EHBP1L1: variants seen among roughly 807,000 people sequenced by gnomAD.
EHBP1L1 encodes EH domain-binding protein 1-like protein 1.
EHBP1L1 carries 122 observed loss-of-function variants against 151.1 expected under a neutral mutation model. That is an observed-to-expected ratio of 0.81 (90% confidence interval 0.70 to 0.94). The LOEUF is 0.94. Ranked by LOEUF, EHBP1L1 falls within the 40% of genes least tolerant of loss-of-function variation. The probability of loss-of-function intolerance (pLI) is 0.00; values close to 1 mark genes in which losing one functional copy is unlikely to be tolerated. For synonymous variants in EHBP1L1, 878 were observed against 810.1 expected (o/e 1.08, Z -1.42); for missense variants, 1,941 against 1,959.8 (o/e 0.99, Z 0.18).
rs1169823759 is a variant in EHBP1L1, at chr11:65,585,817, C to G, written c.3933+226C>G. Among the ~76,000 whole-genome samples, 1 of 152,184 alleles carries G rather than the reference C, an allele frequency of 6.6e-6. No homozygotes were observed. The highest frequency in any genetic ancestry group is 2.4e-5 in the African/African-American group (1 of 41,452). On this transcript the variant is annotated intron_variant, in intron 12 of 18. Coordinates refer to ENST00000309295, the MANE Select transcript of EHBP1L1 (RefSeq NM_001099409.3). The surrounding 1 kb of genome is among the most constrained non-coding windows in gnomAD (Gnocchi z 4.0). ...TGGTAGTGAGCTCCTCATTAGGGGA[C>G]GCATTTGAGCCAAGGCCCACCAGGC...
At position 65,581,038 on chromosome 11, in the gene EHBP1L1, C is replaced by A. The variant is rs1314210573; in HGVS notation, c.635-20C>A. 17 of 1,589,866 alleles carry A rather than the reference C, an allele frequency of 1.1e-5. No individual in the cohort carries two copies. Among genetic ancestry groups the A allele is most frequent in the East Asian group, 2.3e-5 (1 of 43,664 alleles). On this transcript the variant is annotated intron_variant, in intron 6 of 18. Transcript: ENST00000309295. ...GCCCTGGGCTGACTCTGCCCTTCTC[C>A]CCTCTCCTACCATTCCCAGATCCCT...
At chr11:65,579,288 C>T in intron 2 of EHBP1L1, 53 bp from the exon 3 acceptor site, 1 of 1,483,792 alleles carries the variant, frequency 6.7e-7, no homozygotes, top group Non-Finnish European at 9.1e-7. Context: ...ATAGGGGGTG[C>T]AGGTGGGAGG....
In EHBP1L1 at chr11:65,585,680, C is replaced by G. The variant is rs1857934390; in HGVS notation, c.3933+89C>G. On this transcript the variant is annotated intron_variant, in intron 12 of 18. Transcript: ENST00000309295. This position sits in a 1 kb window ranked among gnomAD's most constrained non-coding sequence, Gnocchi z 4.0. Reference sequence around the variant, plus strand: ...GAACGGGCGAGCCCCCAAGGGGCCCCAAGGACAGAGCTGGCGCGAGGGTGA... The same window carrying G: ...GAACGGGCGAGCCCCCAAGGGGCCCGAAGGACAGAGCTGGCGCGAGGGTGA... 1 of 1,504,348 alleles carries G rather than the reference C, an allele frequency of 6.6e-7. No individual in the cohort carries two copies. The highest frequency in any genetic ancestry group is 1.4e-5 in the African/African-American group (1 of 71,284). 93.2% of individuals were successfully genotyped at this position (1,504,348 alleles called of 1,614,324 possible).
In EHBP1L1 at chr11:65,582,277, G is replaced by A; in HGVS notation, c.1605G>A (p.Arg535=). 1 of 1,529,760 alleles carries A rather than the reference G, an allele frequency of 6.5e-7. No individual in the cohort carries two copies. Among genetic ancestry groups the A allele is most frequent in the South Asian group, 1.3e-5 (1 of 76,392 alleles). The allele number at this position is 1,529,760 out of a possible 1,614,324, so 94.8% of individuals were successfully genotyped here. The change falls in exon 9 of 19, where the codon AGG becomes AGA. Residue 535 remains arginine (R), a synonymous_variant. Coordinates refer to ENST00000309295, the MANE Select transcript of EHBP1L1 (RefSeq NM_001099409.3). Reference sequence around the variant, plus strand: ...CTTCTGTTGGAGCAATAAGCACCAGGCCCCAGGTGAGCAGCTGGCAGGGGG... The same window carrying A: ...CTTCTGTTGGAGCAATAAGCACCAGACCCCAGGTGAGCAGCTGGCAGGGGG... ...QGPSVGAIST[R]PQVSSWQGAL...
chr11:65,582,314 A>G lies in EHBP1L1; in HGVS notation c.1642A>G (p.Thr548Ala), dbSNP rs769027726. ...CAGCTGGCAGGGGGCCCTGTTATCA[A>G]CTGCCCAGGGGGCAATATCCAGGGG... ...VSSWQGALLS[T>A]AQGAISRGLG... Residue 548 changes from threonine to alanine, a missense_variant, in exon 9 of 19, where the codon ACT becomes GCT. Physicochemically the swap from Thr to Ala is moderately conservative, Grantham distance 58 (BLOSUM62 0). Transcript: ENST00000309295. The G allele has an allele frequency of 5.9e-6, 9 of 1,537,608 alleles. No individual in the cohort carries two copies. Among genetic ancestry groups the G allele is most frequent in the African/African-American group, 2.8e-5 (2 of 72,016 alleles).
chr11:65,583,717 C>T lies in EHBP1L1; in HGVS notation c.3045C>T (p.Ala1015=). 1 of 1,549,138 alleles carries T rather than the reference C, an allele frequency of 6.5e-7. No individual in the cohort carries two copies. Among genetic ancestry groups the T allele is most frequent in the Non-Finnish European group, 8.7e-7 (1 of 1,148,942 alleles). ...GGGCAGGGGCTGGGGCGCCCAGGGCCTCTTCCCCAGAGAAGGCTGAAGAGG... is the reference window on the plus strand; with the variant it reads ...GGGCAGGGGCTGGGGCGCCCAGGGCTTCTTCCCCAGAGAAGGCTGAAGAGG... The part of the protein sequence containing the change: ...ASGAGAGAPR[A]SSPEKAEEDR... The change falls in exon 9 of 19, where the codon GCC becomes GCT. Residue 1015 remains alanine (A), a synonymous_variant. Coordinates refer to ENST00000309295, the MANE Select transcript of EHBP1L1 (RefSeq NM_001099409.3).
chr11:65,584,567 G>A (rs766946207), intron 11 of EHBP1L1, 33 bp downstream of exon 11: 1 of 1,600,346 alleles, frequency 6.2e-7, no homozygotes, highest in South Asian at 1.1e-5. Context: ...CTGGAGGGAA[G>A]GAGGGTCTGG....
rs1194197729 is a variant in EHBP1L1 at position 65,580,988 on chromosome 11, G to A, written c.635-70G>A. The A allele has an allele frequency of 9.1e-6, 14 of 1,533,024 alleles. 1 individual carries two copies. Among genetic ancestry groups the A allele is most frequent in the Non-Finnish European group, 1.2e-5 (14 of 1,138,138 alleles). 95.0% of individuals were successfully genotyped at this position (1,533,024 alleles called of 1,614,324 possible). A position where few individuals can be genotyped will look rare whatever the true frequency, so the allele number is the denominator to read the frequency against. ...GGTAGGACCTGCACTGTAGTTGGGG[G>A]AGGGGGTCAGGCCTGTGGGGCCCTG... On this transcript the variant is annotated intron_variant, in intron 6 of 18. Transcript: ENST00000309295.
rs535346331 is a variant in EHBP1L1 at position 65,592,284 on chromosome 11, G to T, written c.4554G>T (p.Glu1518Asp). The T allele has an allele frequency of 9.7e-5, 148 of 1,529,136 alleles. 1 individual carries two copies. The South Asian group carries it at 1.5e-3, about 15-fold the overall frequency. 94.7% of individuals were successfully genotyped at this position (1,529,136 alleles called of 1,614,324 possible). The part of the protein sequence containing the change: ...RKLSRQLSRR[E>D]RCVLS The stretch of plus-strand genomic sequence containing the variant: ...TGAGCCGGCAGTTGAGCCGGCGGGA[G>T]CGCTGCGTGCTGAGCTGAGGCCGCC... Residue 1518 changes from glutamate to aspartate, a missense_variant, in exon 19 of 19, where the codon GAG (glutamate) becomes GAT (aspartate). Transcript: ENST00000309295.
chr11:65,583,633 G>A lies in EHBP1L1; in HGVS notation c.2961G>A (p.Gly987=), dbSNP rs181308487. The change falls in exon 9 of 19, where the codon GGG becomes GGA. Residue 987 remains glycine (G), a synonymous_variant. Coordinates refer to ENST00000309295, the MANE Select transcript of EHBP1L1 (RefSeq NM_001099409.3). The part of the protein sequence containing the change: ...AEAGVLGNEK[G]KEAEGSLTEA... ...CTGGGGTCTTGGGAAATGAGAAGGGGAAAGAAGCTGAGGGAAGCCTCACAG... is the reference window on the plus strand; with the variant it reads ...CTGGGGTCTTGGGAAATGAGAAGGGAAAAGAAGCTGAGGGAAGCCTCACAG... 242 of 1,603,836 alleles carry A rather than the reference G, an allele frequency of 1.5e-4. 1 individual carries two copies. The African/African-American group carries it at 2.5e-3, about 17-fold the overall frequency.
chr11:65,585,216 G>C lies in EHBP1L1; in HGVS notation c.3558G>C (p.Gly1186=). 1 of 1,145,664 alleles carries C rather than the reference G, an allele frequency of 8.7e-7. No homozygotes were observed. Among genetic ancestry groups the C allele is most frequent in the East Asian group, 5.0e-5 (1 of 20,104 alleles). 71.0% of individuals were successfully genotyped at this position (1,145,664 alleles called of 1,614,324 possible). ...TGGCGCAGCGGCTGCGCGGTCACGG[G>C]GCCGAGGGGCCCCAGGAGCCCAAGG... ...GGLAQRLRGH[G]AEGPQEPKEA... The change falls in exon 12 of 19, where the codon GGG becomes GGC. Residue 1186 remains glycine (G), a synonymous_variant. Transcript: ENST00000309295. The surrounding 1 kb of genome is among the most constrained non-coding windows in gnomAD (Gnocchi z 4.0).
chr11:65,592,317 G>T lies in EHBP1L1; in HGVS notation c.*15G>T. 6.8e-7 allele frequency: 1 copy of T among 1,460,032 alleles called. No homozygotes were observed. Among genetic ancestry groups the T allele is most frequent in the Non-Finnish European group, 9.0e-7 (1 of 1,116,102 alleles). 90.4% of individuals were successfully genotyped at this position (1,460,032 alleles called of 1,614,324 possible). On this transcript the variant is annotated 3_prime_UTR_variant, in exon 19 of 19. Transcript: ENST00000309295. Reference sequence around the variant, plus strand: ...TGCTGAGCTGAGGCCGCCGGCCCGGGTGGCCCATAACTTCTCGCGTCCCCG... The same window carrying T: ...TGCTGAGCTGAGGCCGCCGGCCCGGTTGGCCCATAACTTCTCGCGTCCCCG...
Position 65,580,279 on chromosome 11 carries a change from C to T in EHBP1L1, c.491+20C>T, listed in dbSNP as rs2135244860. 3.7e-6 allele frequency: 6 copies of T among 1,613,182 alleles called. No homozygotes were observed. The highest frequency in any genetic ancestry group is 4.2e-6 in the Non-Finnish European group (5 of 1,179,406). ...TGCCACGTGAGTGCCTACCTGCCCT[C>T]CTTGATCCTGGCCTGTGACCTCTGA... On this transcript the variant is annotated intron_variant, in intron 5 of 18. Transcript: ENST00000309295.
At chr11:65,591,609 T>A (rs1019355349) in intron 16 of EHBP1L1, 191 bp from the exon 17 acceptor site, 3 of 628,566 alleles carry the variant, frequency 4.8e-6, no homozygotes, top group African/African-American at 3.6e-5. Flanking sequence ...ACCCAGCAAT[T>A]GGAGAAAACA....
Position 65,585,507 on chromosome 11 carries a change from CAAG to C in EHBP1L1, c.3854_3856del (p.Lys1285del). 1 of 1,564,602 alleles carries C rather than the reference CAAG, an allele frequency of 6.4e-7. No individual in the cohort carries two copies. The highest frequency in any genetic ancestry group is 8.6e-7 in the Non-Finnish European group (1 of 1,162,044). On this transcript the variant is annotated inframe_deletion, in exon 12 of 19. Coordinates refer to ENST00000309295, the MANE Select transcript of EHBP1L1 (RefSeq NM_001099409.3). This position sits in a 1 kb window ranked among gnomAD's most constrained non-coding sequence, Gnocchi z 4.0. ...CCCACGTGCGCGACGCGGACCTGCT[CAAG>C]AAGAGGCGCTCGCGGCTGCGGAACA...
rs1251327415 is a variant in EHBP1L1, at chr11:65,582,779, G to A, written c.2107G>A (p.Glu703Lys). 4 of 1,613,680 alleles carry A rather than the reference G, an allele frequency of 2.5e-6. 1 individual carries two copies. In the South Asian group the frequency reaches 3.3e-5, roughly 13 times the overall value. The change falls in exon 9 of 19, where the codon GAG becomes AAG. Residue 703 changes from glutamate (E) to lysine (K), a missense_variant. Transcript: ENST00000309295. The part of the protein sequence containing the change: ...TIQSEMLGTQ[E>K]TEVEASRVPE... ...ACAGTCTGAGATGCTGGGGACCCAGGAGACAGAGGTGGAAGCTTCTAGGGT... is the reference window on the plus strand; with the variant it reads ...ACAGTCTGAGATGCTGGGGACCCAGAAGACAGAGGTGGAAGCTTCTAGGGT...
rs773462033 is a variant in EHBP1L1, at chr11:65,591,888, C to CA, written c.4357+16dup. On this transcript the variant is annotated intron_variant, in intron 17 of 18. Coordinates refer to ENST00000309295, the MANE Select transcript of EHBP1L1 (RefSeq NM_001099409.3). ...GGCCATCGAAGGTGGGACATGGGCT[C>CA]AGGGGCCGGGAGGCAAGACAGAGCC... The CA allele has an allele frequency of 1.2e-6, 2 of 1,601,078 alleles. No individual in the cohort carries two copies.
chr11:65,590,508 AG>A lies in EHBP1L1; in HGVS notation c.4201del (p.Glu1401ArgfsTer4). 6.2e-7 allele frequency: 1 copy of A among 1,613,436 alleles called. No individual in the cohort carries two copies. The highest frequency in any genetic ancestry group is 8.5e-7 in the Non-Finnish European group (1 of 1,179,802). On this transcript the variant is annotated frameshift_variant, in exon 16 of 19. Transcript: ENST00000309295. LOFTEE classifies it high-confidence loss of function. ...TCCAATGCAGGTGCCAACAAGCTGC[AG>A]GAGGAGGTGCTGATCCAGGAGTGGT... ...SLMESGANKL[Q>X]EEVLIQEWFT...
In EHBP1L1 at chr11:65,583,139, G is replaced by C. The variant is rs1430678933; in HGVS notation, c.2467G>C (p.Glu823Gln). Residue 823 changes from glutamate (E) to glutamine (Q), a missense_variant, in exon 9 of 19, where the codon GAG becomes CAG. Transcript: ENST00000309295. ...AGAAACTGAGATATTGGGGACCCAA[G>C]AGATAGCATCTAGGAGTTCAGGGGT... ...TAETEILGTQ[E>Q]IASRSSGVPG... 2 of 1,613,470 alleles carry C rather than the reference G, an allele frequency of 1.2e-6. No individual in the cohort carries two copies. The highest frequency in any genetic ancestry group is 1.7e-6 in the Non-Finnish European group (2 of 1,179,820).
Sources: gnomAD v4.1 joint callset for allele counts (sites outside exome capture counted in the v4.1 genomes callset) on GRCh38, gnomAD v4.1.1 for gene constraint, Gnocchi (gnomAD v3.1) non-coding constraint, MANE v1.5 for transcripts, NCBI Gene and HGNC (gene_info 2026-07-23, HGNC 2026-07-21) for gene names.